PCDH9: variants seen among roughly 807,000 people sequenced by gnomAD.
The protein encoded by PCDH9 is protocadherin-9.
PCDH9 carries 24 observed loss-of-function variants against 70.6 expected under a neutral mutation model. The ratio of observed to expected loss-of-function variants is 0.34; its 90% CI spans 0.25 to 0.48. The LOEUF is 0.48. Among genes scored for constraint, PCDH9 ranks in the 20% least tolerant of loss-of-function variants. The probability of loss-of-function intolerance (pLI) is 0.99; values close to 1 mark genes in which losing one functional copy is unlikely to be tolerated. For missense variants in PCDH9, 1,281 were observed against 1,503.6 expected (o/e 0.85, Z 2.45); for synonymous variants, 562 against 558.5 (o/e 1.01, Z -0.09).
At chr13:66,969,901 T>C (rs1242986433) in intron 2 of PCDH9, among the ~76,000 whole-genome samples, 1 of 152,040 alleles carries the variant, frequency 6.6e-6, no homozygotes, top group East Asian at 1.9e-4. Flanking sequence ...AAGTGCTTTC[T>C]GGAAAAATCA....
chr13:66,944,447 C>T (rs2083054912), intron 2 of PCDH9, among the ~76,000 whole-genome samples: 1 of 152,110 alleles, frequency 6.6e-6, no homozygotes, highest in Non-Finnish European at 1.5e-5. Context: ...GTGACAGGCA[C>T]TATGCCAACT....
chr13:67,198,283 T>C (rs1181821437), intron 2 of PCDH9, among the ~76,000 whole-genome samples: 3 of 151,866 alleles, frequency 2.0e-5, no homozygotes, highest in African/African-American at 7.2e-5. Flanking sequence ...AAGGATTTTC[T>C]ACAATTTTAT....
chr13:67,165,782 T>C (rs2088099794), intron 2 of PCDH9, among the ~76,000 whole-genome samples: 1 of 152,186 alleles, frequency 6.6e-6, no homozygotes, highest in Non-Finnish European at 1.5e-5. Context: ...AAAATACAAG[T>C]TTATTTCCTT....
chr13:66,506,111 T>C (rs936135006), intron 4 of PCDH9, among the ~76,000 whole-genome samples: 2 of 152,200 alleles, frequency 1.3e-5, no homozygotes, highest in Admixed American at 1.3e-4. Context: ...GACTATGTGA[T>C]TCTAGAGGAA....
chr13:66,520,190 C>T (rs542820876), intron 4 of PCDH9, among the ~76,000 whole-genome samples: 8 of 152,068 alleles, frequency 5.3e-5, no homozygotes, highest in Non-Finnish European at 1.0e-4. Context: ...TTGTTTTGAA[C>T]GTCTTAAACT....
chr13:66,650,071 A>C (rs904133983), intron 3 of PCDH9, among the ~76,000 whole-genome samples: 1 of 152,004 alleles, frequency 6.6e-6, no homozygotes, highest in South Asian at 2.1e-4. Context: ...AAGGAAGAAA[A>C]GAAAGAAGAG....
At chr13:66,395,949 T>C (rs1414703291) in intron 4 of PCDH9, among the ~76,000 whole-genome samples, 2 of 152,170 alleles carry the variant, frequency 1.3e-5, no homozygotes, top group East Asian at 3.9e-4. Flanking sequence ...TTACCTGAAG[T>C]ATGGATTGTG....
intron 3 of PCDH9, among the ~76,000 whole-genome samples, chr13:66,796,647 C>T (rs1594073032): frequency 1.0e-5 from 1 of 96,032 alleles, no homozygotes; most frequent in African/African-American, 3.0e-5. Context: ...TATAGGTTCA[C>T]TGTAGAGAAT....
At chr13:66,493,954 C>T (rs768504016) in intron 4 of PCDH9, among the ~76,000 whole-genome samples, 2 of 151,876 alleles carry the variant, frequency 1.3e-5, no homozygotes, top group Admixed American at 6.6e-5. Context: ...TGATGTTTCA[C>T]TAATGATAAC....
intron 2 of PCDH9, among the ~76,000 whole-genome samples, chr13:67,008,321 C>A (rs1195942323): frequency 6.6e-6 from 1 of 152,070 alleles, no homozygotes; most frequent in Non-Finnish European, 1.5e-5. Context: ...TATCACATTT[C>A]TTTTCTATGT....
chr13:66,326,887 C>T (rs1338428699), intron 4 of PCDH9, among the ~76,000 whole-genome samples: 2 of 152,164 alleles, frequency 1.3e-5, no homozygotes, highest in East Asian at 1.9e-4. Context: ...CCCCACCCAA[C>T]TTAAGCACAA....
intron 4 of PCDH9, among the ~76,000 whole-genome samples, chr13:66,589,412 C>A (rs765264144): frequency 6.6e-6 from 1 of 152,006 alleles, no homozygotes; most frequent in Non-Finnish European, 1.5e-5. Context: ...CTAATTACCC[C>A]GATCTGATCA....
chr13:66,766,367 G>A (rs914236357), intron 3 of PCDH9, among the ~76,000 whole-genome samples: 10 of 151,836 alleles, frequency 6.6e-5, no homozygotes, highest in African/African-American at 2.2e-4. Context: ...TGGAACCTTA[G>A]GCACACAAAT....
At chr13:66,804,581 T>C (rs1222663785) in intron 3 of PCDH9, among the ~76,000 whole-genome samples, 1 of 152,086 alleles carries the variant, frequency 6.6e-6, no homozygotes, top group Non-Finnish European at 1.5e-5. Context: ...TAAAAATAAA[T>C]AAACAGCAAG....
intron 4 of PCDH9, among the ~76,000 whole-genome samples, chr13:66,571,551 A>G (rs1304716162): frequency 6.6e-6 from 1 of 152,046 alleles, no homozygotes. Context: ...GCCATGAGAA[A>G]TAATTGTCCT....
chr13:66,343,194 T>C (rs1179299461), intron 4 of PCDH9, among the ~76,000 whole-genome samples: 1 of 152,178 alleles, frequency 6.6e-6, no homozygotes, highest in African/African-American at 2.4e-5. Flanking sequence ...ATAGGTATAT[T>C]AATTTTCTGT....
chr13:66,488,149 A>AC (rs1228784168), intron 4 of PCDH9, among the ~76,000 whole-genome samples: 2 of 152,208 alleles, frequency 1.3e-5, no homozygotes, highest in African/African-American at 4.8e-5. Flanking sequence ...TTATGCCGAC[A>AC]CTATACAACC....
At chr13:66,876,586 A>T (rs1383613385) in intron 3 of PCDH9, among the ~76,000 whole-genome samples, 7 of 152,160 alleles carry the variant, frequency 4.6e-5, no homozygotes, top group Non-Finnish European at 7.4e-5. Context: ...TTTGTTTTGT[A>T]GACATGATCT....
At chr13:66,578,940 C>T (rs867355860) in intron 4 of PCDH9, among the ~76,000 whole-genome samples, 2 of 152,180 alleles carry the variant, frequency 1.3e-5, no homozygotes, top group South Asian at 4.2e-4. Context: ...TCTTTACTAT[C>T]TCTGCAAGGC....
Sources: gnomAD v4.1 joint callset for allele counts (sites outside exome capture counted in the v4.1 genomes callset) on GRCh38, gnomAD v4.1.1 for gene constraint, MANE v1.5 for transcripts, NCBI Gene and HGNC (gene_info 2026-07-23, HGNC 2026-07-21) for gene names.